KIFC3: variants seen among roughly 807,000 people sequenced by gnomAD.
KIFC3 encodes the protein kinesin-like protein KIFC3.
KIFC3 carries 60 observed loss-of-function variants against 101.8 expected under a neutral mutation model. The ratio of observed to expected loss-of-function variants is 0.59; its 90% CI spans 0.48 to 0.73. The LOEUF (loss-of-function observed/expected upper bound fraction) is 0.73. Ranked by LOEUF, KIFC3 falls within the 30% of genes least tolerant of loss-of-function variation. The pLI is 0.00. For synonymous variants in KIFC3, 476 were observed against 482.7 expected (o/e 0.99, Z 0.18); for missense variants, 966 against 1,137.1 (o/e 0.85, Z 2.16).
chr16:57,769,598 G>T lies in KIFC3; in HGVS notation c.1215C>A (p.Ala405=). The change falls in exon 9 of 20, where the codon GCC becomes GCA. Residue 405 remains alanine, a synonymous_variant. Transcript: ENST00000445690. This position sits in a 1 kb window ranked among gnomAD's most constrained non-coding sequence, Gnocchi z 4.3. ...CCCACCCACTGCCCTCGCTCACCTC[G>T]GCCTTGACACTCCTGAGGGCCTCCT... ...LLQEALRSVK[A]EIGQAIEEVN... 1 of 1,609,788 alleles carries T rather than the reference G, an allele frequency of 6.2e-7. No homozygotes were observed. The highest frequency in any genetic ancestry group is 8.5e-7 in the Non-Finnish European group (1 of 1,179,614).
rs2054180972 is a variant in KIFC3, at chr16:57,795,069, G to A, written c.245C>T (p.Ala82Val). 6.2e-7 allele frequency: 1 copy of A among 1,608,134 alleles called. No individual in the cohort carries two copies. The highest frequency in any genetic ancestry group is 8.5e-7 in the Non-Finnish European group (1 of 1,177,804). Reference sequence around the variant, plus strand: ...GTCCACGCTAAGGGCTCGGCACTGAGCTAGGGCTGGGCGAGCTGCACTTCG... The same window carrying A: ...GTCCACGCTAAGGGCTCGGCACTGAACTAGGGCTGGGCGAGCTGCACTTCG... ...SARSAARPAL[A>V]QCRALSVDWA... is the part of the protein sequence containing the mutation. The change falls in exon 3 of 20, where the codon GCT (alanine) becomes GTT (valine). Residue 82 changes from alanine to valine, a missense_variant. Ala to Val is a moderately conservative substitution (Grantham distance 64, BLOSUM62 0). Coordinates refer to ENST00000445690, the MANE Select transcript of KIFC3 (RefSeq NM_001130100.2).
intron 1 of KIFC3, among the ~76,000 whole-genome samples, chr16:57,847,422 G>A (rs1187588220): frequency 2.0e-5 from 3 of 152,052 alleles, no homozygotes; most frequent in Non-Finnish European, 4.4e-5. Flanking sequence ...AAAATCCTGT[G>A]TCTATAAACA....
intron 12 of KIFC3, among the ~76,000 whole-genome samples, chr16:57,763,739 G>T (rs1247183550): frequency 6.6e-6 from 1 of 152,112 alleles, no homozygotes; most frequent in Admixed American, 6.5e-5. Flanking sequence ...GGATCTCCTT[G>T]AGGACTGAGA....
chr16:57,861,578 G>A (rs375621725), intron 1 of KIFC3, among the ~76,000 whole-genome samples: 4 of 152,186 alleles, frequency 2.6e-5, no homozygotes, highest in Admixed American at 6.5e-5. Context: ...TGGACCCAGC[G>A]TCCACTTTCC....
At chr16:57,768,817 G>T (rs1165399717) in intron 9 of KIFC3, among the ~76,000 whole-genome samples, 1 of 152,178 alleles carries the variant, frequency 6.6e-6, no homozygotes, top group Admixed American at 6.5e-5. Flanking sequence ...AGAGGCACTG[G>T]TTATTCTCAT....
chr16:57,772,069 T>C (rs558697771), intron 4 of KIFC3, among the ~76,000 whole-genome samples, 154 bp downstream of exon 4: 1 of 151,988 alleles, frequency 6.6e-6, no homozygotes, highest in Admixed American at 6.5e-5. Flanking sequence ...CTGAGGGTAC[T>C]AGGAGGTGGG....
At chr16:57,821,989 T>C (rs1298211684) in intron 1 of KIFC3, among the ~76,000 whole-genome samples, 1 of 152,110 alleles carries the variant, frequency 6.6e-6, no homozygotes, top group Non-Finnish European at 1.5e-5. Flanking sequence ...GGTGAAAGGA[T>C]CACTTGAGCC....
chr16:57,813,462 C>G (rs1474134055), intron 1 of KIFC3, among the ~76,000 whole-genome samples: 8 of 152,142 alleles, frequency 5.3e-5, no homozygotes, highest in African/African-American at 1.9e-4. Context: ...GCACTGCCCC[C>G]ACGCTACTCC....
At chr16:57,767,051 C>A (rs1166021659) in intron 9 of KIFC3, 66 bp from the exon 10 acceptor site, 4 of 1,329,106 alleles carry the variant, frequency 3.0e-6, no homozygotes, top group Non-Finnish European at 4.3e-6. Context: ...TGACTGCCCA[C>A]CCCTGAGGGG....
chr16:57,860,002 A>G (rs1464649590), intron 1 of KIFC3, among the ~76,000 whole-genome samples: 1 of 149,018 alleles, frequency 6.7e-6, no homozygotes, highest in Non-Finnish European at 1.5e-5. Context: ...AGCCTGGGCA[A>G]CAGAGTGAGA....
chr16:57,813,999 C>A (rs1555628291), intron 1 of KIFC3: 3 of 391,008 alleles, frequency 7.7e-6, no homozygotes, highest in Non-Finnish European at 1.0e-5. Flanking sequence ...CTGGGGCAGG[C>A]TGGCTGCAGA....
At chr16:57,771,711 G>A in intron 4 of KIFC3, 25 bp from the exon 5 acceptor site, 2 of 1,600,742 alleles carry the variant, frequency 1.2e-6, no homozygotes, top group Non-Finnish European at 1.7e-6. Context: ...GGCCGAGGGG[G>A]CGCATGTGGC....
intron 1 of KIFC3, chr16:57,846,670 C>T (rs2055926749): frequency 6.6e-6 from 1 of 152,198 alleles, no homozygotes. Flanking sequence ...GAAGTGTCAC[C>T]CCTGCAGCTG....
Position 57,798,222 on chromosome 16 carries a change from ACGTCCT to A in KIFC3, c.16_21del (p.Arg6_Thr7del). 3 of 1,549,886 alleles carry A rather than the reference ACGTCCT, an allele frequency of 1.9e-6. No homozygotes were observed. On this transcript the variant is annotated inframe_deletion, in exon 2 of 20. Coordinates refer to ENST00000445690, the MANE Select transcript of KIFC3 (RefSeq NM_001130100.2). The stretch of plus-strand genomic sequence containing the variant: ...AGCGAGGGCGTGGCTCCCAGGTTCC[ACGTCCT>A]GCGAGAGGGGACCATGGCCTGGGGC...
At chr16:57,787,751 C>A (rs1027876766) in intron 3 of KIFC3, among the ~76,000 whole-genome samples, 5 of 152,180 alleles carry the variant, frequency 3.3e-5, no homozygotes, top group Non-Finnish European at 5.9e-5. Flanking sequence ...GACCCCAACC[C>A]CTGCCACTCG....
intron 3 of KIFC3, among the ~76,000 whole-genome samples, chr16:57,787,353 C>T (rs927013006): frequency 6.6e-6 from 1 of 152,236 alleles, no homozygotes; most frequent in African/African-American, 2.4e-5. Context: ...TGTTACACAA[C>T]AGGCCATGGG....
chr16:57,769,824 C>G lies in KIFC3; in HGVS notation c.1071G>C (p.Val357=). ...FARAQVEMKA[V]HENLAGVRTN... Reference sequence around the variant, plus strand: ...TCAGCTCACCTGCTAGATTCTCGTGCACAGCCTTCATCTCCACCTGGGCTC... The same window carrying G: ...TCAGCTCACCTGCTAGATTCTCGTGGACAGCCTTCATCTCCACCTGGGCTC... The change falls in exon 8 of 20, where the codon GTG becomes GTC. Residue 357 remains valine (V), a synonymous_variant. Transcript: ENST00000445690. The surrounding 1 kb of genome is among the most constrained non-coding windows in gnomAD (Gnocchi z 4.3). The G allele has an allele frequency of 2.5e-6, 4 of 1,613,500 alleles. No individual in the cohort carries two copies. Among genetic ancestry groups the G allele is most frequent in the Non-Finnish European group, 3.4e-6 (4 of 1,179,996 alleles).
chr16:57,782,595 C>T (rs144498278), intron 3 of KIFC3, among the ~76,000 whole-genome samples: 320 of 152,340 alleles, frequency 2.1e-3, no homozygotes, highest in Middle Eastern at 6.8e-3. Flanking sequence ...TCTCAGAGAC[C>T]TGGAGCTTCA....
In KIFC3 at chr16:57,761,040, A is replaced by G; in HGVS notation, c.2002+2T>C. 6.2e-7 allele frequency: 1 copy of G among 1,606,834 alleles called. No individual in the cohort carries two copies. Among genetic ancestry groups the G allele is most frequent in the Non-Finnish European group, 8.5e-7 (1 of 1,176,212 alleles). Reference sequence around the variant, plus strand: ...TCAGGCCAGGCTGCCTGCCACTCTCACCCGTGGTGCGGAGGCCTGTGCTGC... The same window carrying G: ...TCAGGCCAGGCTGCCTGCCACTCTCGCCCGTGGTGCGGAGGCCTGTGCTGC... On this transcript the variant is annotated splice_donor_variant, in intron 15 of 19. Transcript: ENST00000445690. LOFTEE classifies it high-confidence loss of function.
Sources: allele counts gnomAD v4.1 joint callset (sites outside exome capture counted in the v4.1 genomes callset), GRCh38; gene constraint gnomAD v4.1.1; non-coding constraint Gnocchi (gnomAD v3.1); transcripts MANE v1.5; gene names NCBI Gene and HGNC (gene_info 2026-07-23, HGNC 2026-07-21).